COL24A1: variants seen among roughly 807,000 people sequenced by gnomAD.
The protein encoded by COL24A1 is collagen alpha-1(XXIV) chain.
A neutral mutation model predicts 253.9 loss-of-function variants in COL24A1; 224 were observed. The observed-to-expected ratio is 0.88, with a 90% CI of 0.79 to 0.99. The LOEUF is 0.99. Among genes scored for constraint, COL24A1 ranks in the 50% least tolerant of loss-of-function variants. COL24A1 has a pLI of 0.00. For synonymous variants in COL24A1, 685 were observed against 673.7 expected, an observed-to-expected ratio of 1.02 and a Z score of -0.26; for missense variants, 2,131 against 2,068.5, an observed-to-expected ratio of 1.03 and a Z score of -0.59.
chr1:85,761,717 G>C, intron 53 of COL24A1, 151 bp from the exon 54 acceptor site: 2 of 680,240 alleles, frequency 2.9e-6, no homozygotes, highest in Non-Finnish European at 5.1e-6. Context: ...GTTATATGCT[G>C]TGGTACTTAG....
At chr1:85,804,870 AG>A (rs1243740498) in intron 47 of COL24A1, among the ~76,000 whole-genome samples, 6 of 147,680 alleles carry the variant, frequency 4.1e-5, no homozygotes, top group Non-Finnish European at 9.0e-5. Flanking sequence ...TTTTTTTTTT[AG>A]GATTTTGTTT....
intron 5 of COL24A1, among the ~76,000 whole-genome samples, chr1:86,108,990 G>A (rs1212651551): frequency 6.6e-6 from 1 of 152,174 alleles, no homozygotes; most frequent in Non-Finnish European, 1.5e-5. Context: ...CAACCTAGAA[G>A]GGGGAGAAGA....
intron 55 of COL24A1, among the ~76,000 whole-genome samples, chr1:85,747,048 G>C (rs761223582): frequency 1.3e-5 from 2 of 149,702 alleles, no homozygotes; most frequent in Non-Finnish European, 3.0e-5. Context: ...TTTTAATAAA[G>C]GATTCCTTTA....
At chr1:86,151,680 G>T (rs1158070557) in intron 1 of COL24A1, among the ~76,000 whole-genome samples, 1 of 152,180 alleles carries the variant, frequency 6.6e-6, no homozygotes, top group Admixed American at 6.5e-5. Flanking sequence ...GATTCTTAGA[G>T]CTATTCAACT....
At chr1:86,106,506 G>T (rs1181866235) in intron 5 of COL24A1, among the ~76,000 whole-genome samples, 2 of 152,102 alleles carry the variant, frequency 1.3e-5, no homozygotes, top group African/African-American at 4.8e-5. Context: ...ACCACAGATT[G>T]CCTGGACTGG....
At position 85,970,225 on chromosome 1, in the gene COL24A1, A is replaced by C. The variant is rs917850023; in HGVS notation, c.2463+2T>G. On this transcript the variant is annotated splice_donor_variant, in intron 22 of 59. Coordinates refer to ENST00000370571, the MANE Select transcript of COL24A1 (RefSeq NM_152890.7). LOFTEE classifies it high-confidence loss of function. Reference sequence around the variant, plus strand: ...ATGGAAAATTATTTATATGATACCTACTCTTGGCCCCAGTTCCCCAAAGGC... The same window carrying C: ...ATGGAAAATTATTTATATGATACCTCCTCTTGGCCCCAGTTCCCCAAAGGC... 1 of 1,585,674 alleles carries C rather than the reference A, an allele frequency of 6.3e-7. No individual in the cohort carries two copies. The highest frequency in any genetic ancestry group is 8.6e-7 in the Non-Finnish European group (1 of 1,167,740).
intron 1 of COL24A1, among the ~76,000 whole-genome samples, chr1:86,148,133 A>G (rs1172794051): frequency 6.6e-6 from 1 of 151,980 alleles, no homozygotes; most frequent in Non-Finnish European, 1.5e-5. Context: ...GGATCTTTTT[A>G]CCCCTTGGCT....
chr1:85,841,243 T>C lies in COL24A1; in HGVS notation c.3606A>G (p.Pro1202=), dbSNP rs1234192260. The C allele has an allele frequency of 1.9e-6, 3 of 1,604,452 alleles. No individual in the cohort carries two copies. The highest frequency in any genetic ancestry group is 3.4e-5 in the Admixed American group (2 of 58,218). ...CTACTGGTTCACCTCGAGGCCCAGG[T>C]GGTCCTAGGACTGTGCTATCTTCTC... ...YPGEDSTVLG[P]PGPRGEPGPV... is the part of the protein sequence containing the mutation. Residue 1202 remains proline, a synonymous_variant, in exon 42 of 60, where the codon CCA becomes CCG. Coordinates refer to ENST00000370571, the MANE Select transcript of COL24A1 (RefSeq NM_152890.7).
intron 24 of COL24A1, among the ~76,000 whole-genome samples, chr1:85,933,098 AAAAG>A (rs1204931470): frequency 2.4e-5 from 2 of 83,072 alleles, no homozygotes; most frequent in Admixed American, 1.0e-4. Flanking sequence ...AAAAAAAAAA[AAAAG>A]AAAGAAAGAA....
intron 50 of COL24A1, 111 bp from the exon 51 acceptor site, chr1:85,783,669 T>A (rs1347810016): frequency 1.1e-6 from 1 of 937,078 alleles, no homozygotes; most frequent in African/African-American, 1.6e-5. Context: ...AATATAATAC[T>A]GTTGTGCATG....
rs1325038868 is a variant in COL24A1, at chr1:85,825,325, G to A, written c.3682-1587C>T. ...CATTTTCTTAATCCAGTCTATCATT[G>A]TTGGACATTTGGGTTGGTTCCAAGT... On this transcript the variant is annotated intron_variant, in intron 43 of 59. Transcript: ENST00000370571. Among the ~76,000 whole-genome samples the A allele has an allele frequency of 2.0e-5, 3 of 152,000 alleles. No individual in the cohort carries two copies. In the East Asian group the frequency reaches 5.8e-4, roughly 29 times the overall value.
intron 5 of COL24A1, among the ~76,000 whole-genome samples, chr1:86,109,173 A>G (rs898361915): frequency 3.3e-5 from 5 of 152,210 alleles, no homozygotes; most frequent in Non-Finnish European, 7.3e-5. Context: ...TCGAAGGGCT[A>G]TGAAACCACA....
At chr1:85,829,238 G>A (rs574712086) in intron 43 of COL24A1, among the ~76,000 whole-genome samples, 72 of 151,980 alleles carry the variant, frequency 4.7e-4, no homozygotes, top group African/African-American at 1.7e-3. Flanking sequence ...CTTTAAGAAT[G>A]TTGATATTGG....
At chr1:85,909,099 C>G (rs1051499047) in intron 26 of COL24A1, among the ~76,000 whole-genome samples, 1 of 151,670 alleles carries the variant, frequency 6.6e-6, no homozygotes. Flanking sequence ...GCATTTCAAA[C>G]TTTAGAAGGA....
chr1:85,830,464 C>T (rs1245746726), intron 43 of COL24A1, among the ~76,000 whole-genome samples: 1 of 152,150 alleles, frequency 6.6e-6, no homozygotes, highest in African/African-American at 2.4e-5. Context: ...TTTGAGCTTC[C>T]CGGCTGCTTT....
At chr1:86,066,231 CTTTTTTTT>C (rs71078637) in intron 7 of COL24A1, among the ~76,000 whole-genome samples, 2 of 85,544 alleles carry the variant, frequency 2.3e-5, no homozygotes, top group African/African-American at 4.9e-5. Context: ...CCTAAGTCTC[CTTTTTTTT>C]TTTTTTTTTT....
rs1239412850 is a variant in COL24A1 at position 86,134,357 on chromosome 1, T to G, written c.122-8143A>C. On this transcript the variant is annotated intron_variant, in intron 2 of 59. Transcript: ENST00000370571. The stretch of plus-strand genomic sequence containing the variant: ...TTGTGTCTCCATTTCCTTCAGTTCT[T>G]CTCTGATCTTAGTTATTTCTTGCTT... Among the ~76,000 whole-genome samples the G allele has an allele frequency of 4.6e-5, 7 of 151,986 alleles. No homozygotes were observed. The South Asian group carries it at 6.2e-4, about 14-fold the overall frequency.
intron 19 of COL24A1, among the ~76,000 whole-genome samples, chr1:86,015,908 G>A (rs568477079): frequency 2.0e-5 from 3 of 146,406 alleles, no homozygotes; most frequent in Admixed American, 6.8e-5. Context: ...TTTTGGAGAC[G>A]GGGTCTCATT....
At chr1:85,871,686 G>C (rs1680512985) in intron 35 of COL24A1, among the ~76,000 whole-genome samples, 1 of 152,090 alleles carries the variant, frequency 6.6e-6, no homozygotes, top group South Asian at 2.1e-4. Flanking sequence ...AGGTATTGAT[G>C]GGACATATCT....
Sources: gnomAD v4.1 joint callset for allele counts (sites outside exome capture counted in the v4.1 genomes callset) on GRCh38, gnomAD v4.1.1 for gene constraint, MANE v1.5 for transcripts, NCBI Gene and HGNC (gene_info 2026-07-23, HGNC 2026-07-21) for gene names.